Variants in CDK14 observed in about 807,000 individuals in gnomAD.
CDK14 encodes the protein cyclin-dependent kinase 14.
CDK14 carries 34 observed loss-of-function variants against 60.7 expected under a neutral mutation model. The observed-to-expected ratio is 0.56, with a 90% CI of 0.43 to 0.75. The LOEUF is 0.75. Among genes scored for constraint, CDK14 ranks in the 30% least tolerant of loss-of-function variants. The pLI is 0.00. For synonymous variants in CDK14, 197 were observed against 203.7 expected (o/e 0.97, Z 0.28); for missense variants, 482 against 564.1 (o/e 0.85, Z 1.47).
chr7:91,075,359 G>GA (rs1270388259), intron 11 of CDK14, among the ~76,000 whole-genome samples: 2 of 151,984 alleles, frequency 1.3e-5, no homozygotes, highest in African/African-American at 4.8e-5. Flanking sequence ...CAGAACCAAT[G>GA]AAAAAAACCA....
At chr7:90,710,321 T>C (rs779332483) in intron 2 of CDK14, 23 of 985,120 alleles carry the variant, frequency 2.3e-5, no homozygotes, top group Non-Finnish European at 2.8e-5. Context: ...AAAGAGATCT[T>C]ACATTTTTTT....
chr7:90,763,296 C>G (rs999962652), intron 4 of CDK14, among the ~76,000 whole-genome samples: 1 of 152,042 alleles, frequency 6.6e-6, no homozygotes, highest in African/African-American at 2.4e-5. Context: ...TCAGTACTGC[C>G]AAAGTAAACA....
At chr7:90,846,899 T>C (rs1459605721) in intron 5 of CDK14, among the ~76,000 whole-genome samples, 1 of 152,150 alleles carries the variant, frequency 6.6e-6, no homozygotes, top group Non-Finnish European at 1.5e-5. Context: ...CAGGAACAGT[T>C]TGCTTTCTGG....
chr7:91,123,945 C>T (rs529262886), intron 14 of CDK14, among the ~76,000 whole-genome samples: 1 of 152,122 alleles, frequency 6.6e-6, no homozygotes, highest in South Asian at 2.1e-4. Context: ...TTTTAAGAGA[C>T]AGGGTCTCGC....
chr7:90,895,386 CTCTCCTCT>C (rs1562817612), intron 6 of CDK14, among the ~76,000 whole-genome samples: 10 of 8,750 alleles, frequency 1.1e-3, no homozygotes, highest in African/African-American at 1.5e-3. Context: ...CTCTCCTCTC[CTCTCCTCT>C]CCTCTCCTCT....
chr7:90,900,506 A>T (rs1296722824), intron 7 of CDK14, among the ~76,000 whole-genome samples: 4 of 152,208 alleles, frequency 2.6e-5, no homozygotes, highest in Non-Finnish European at 5.9e-5. Context: ...TAGTATTATA[A>T]CATGAACATA....
Position 91,152,745 on chromosome 7 carries a change from G to GA in CDK14, c.*28+34543dup, listed in dbSNP as rs548043956. On this transcript the variant is annotated intron_variant, in intron 14 of 14. Transcript: ENST00000380050. ...GTAGGAAGTGCTGTAGCCCAAGTGT[G>GA]AAAAAATATGATGTAGGAGACAGAG... Among the ~76,000 whole-genome samples the GA allele has an allele frequency of 5.9e-5, 9 of 152,258 alleles. No individual in the cohort carries two copies. The South Asian group carries it at 1.7e-3, about 28-fold the overall frequency.
At chr7:90,640,107 G>T (rs571126354) in intron 2 of CDK14, among the ~76,000 whole-genome samples, 3 of 152,086 alleles carry the variant, frequency 2.0e-5, no homozygotes, top group South Asian at 2.1e-4. Context: ...TTCAGCTGGC[G>T]CACGGTGCGC....
intron 4 of CDK14, among the ~76,000 whole-genome samples, chr7:90,755,985 T>G (rs1804040525): frequency 6.6e-6 from 1 of 152,228 alleles, no homozygotes. Context: ...TCATCTTCAT[T>G]TAACAGTCAG....
intron 4 of CDK14, among the ~76,000 whole-genome samples, chr7:90,757,420 G>A (rs896118426): frequency 1.3e-5 from 2 of 151,786 alleles, no homozygotes; most frequent in African/African-American, 4.8e-5. Flanking sequence ...ATATCTTTTT[G>A]AACAGTTCAA....
intron 4 of CDK14, among the ~76,000 whole-genome samples, chr7:90,758,760 G>A (rs184692185): frequency 5.1e-4 from 77 of 152,320 alleles, no homozygotes; most frequent in African/African-American, 1.8e-3. Flanking sequence ...AAGCTAGAAC[G>A]TAGTGAGAAA....
intron 2 of CDK14, among the ~76,000 whole-genome samples, chr7:90,655,269 CTTGA>C (rs1469575654): frequency 6.6e-6 from 1 of 152,058 alleles, no homozygotes; most frequent in Non-Finnish European, 1.5e-5. Flanking sequence ...ATTTACCTAT[CTTGA>C]TTGTTTCCAA....
At chr7:90,823,419 G>A in intron 5 of CDK14, among the ~76,000 whole-genome samples, 1 of 152,206 alleles carries the variant, frequency 6.6e-6, no homozygotes, top group East Asian at 1.9e-4. Flanking sequence ...GATTGAGGTA[G>A]AGTTAACAAT....
intron 12 of CDK14, among the ~76,000 whole-genome samples, chr7:91,104,308 T>C (rs1188931736): frequency 6.6e-6 from 1 of 152,100 alleles, no homozygotes; most frequent in Non-Finnish European, 1.5e-5. Context: ...GCCTCACCAT[T>C]GGCAGCAGCA....
At chr7:90,822,583 C>T (rs974258384) in intron 5 of CDK14, among the ~76,000 whole-genome samples, 1 of 152,122 alleles carries the variant, frequency 6.6e-6, no homozygotes, top group Admixed American at 6.6e-5. Context: ...TAACTCTCTT[C>T]CCTTACCTGC....
At chr7:90,631,762 T>C (rs1317774913) in intron 2 of CDK14, 2 of 152,288 alleles carry the variant, frequency 1.3e-5, no homozygotes, top group Non-Finnish European at 2.9e-5. Context: ...CACATGATTT[T>C]AGTCTGCCTA....
At chr7:90,906,045 T>C (rs1226023277) in intron 7 of CDK14, among the ~76,000 whole-genome samples, 1 of 152,178 alleles carries the variant, frequency 6.6e-6, no homozygotes, top group Admixed American at 6.6e-5. Context: ...GTGAAATTAT[T>C]CTCAAAAAAT....
In CDK14 at chr7:90,989,001, AGTGT is replaced by A. The variant is rs10696275; in HGVS notation, c.1041+4783_1041+4786del. On this transcript the variant is annotated intron_variant, in intron 10 of 14. Transcript: ENST00000380050. ...CAGAATTTGAGTGTGTTTGTGTGTG[AGTGT>A]GTGTGTGTGTGTGTGTGTGTGTAAT... is the stretch of plus-strand genomic sequence containing the variant. Among the ~76,000 whole-genome samples the A allele has an allele frequency of 6.0e-3, 893 of 149,844 alleles. 8 individuals are homozygous for A. The highest frequency in any genetic ancestry group is 0.02 in the African/African-American group (830 of 40,668).
intron 14 of CDK14, among the ~76,000 whole-genome samples, chr7:91,160,873 A>G (rs911564680): frequency 1.2e-4 from 18 of 152,204 alleles, no homozygotes; most frequent in Non-Finnish European, 2.2e-4. Context: ...TCTTTATTCT[A>G]TAATTGCATT....
Sources: gnomAD v4.1 joint callset for allele counts (sites outside exome capture counted in the v4.1 genomes callset) on GRCh38, gnomAD v4.1.1 for gene constraint, MANE v1.5 for transcripts, NCBI Gene and HGNC (gene_info 2026-07-23, HGNC 2026-07-21) for gene names.